The following ALDH1A1 variants were observed in gnomAD, a reference collection of about 807,000 sequenced individuals.
ALDH1A1 encodes aldehyde dehydrogenase 1 family member A1.
In ALDH1A1, 19 loss-of-function variants were observed where a neutral mutation model predicts 62.1. The ratio of observed to expected loss-of-function variants is 0.31; its 90% CI spans 0.21 to 0.45. ALDH1A1 has a LOEUF of 0.45. ALDH1A1 is among the 20% of genes least tolerant of loss of function. ALDH1A1 has a pLI of 1.00. For synonymous variants in ALDH1A1, 231 were observed against 215.9 expected (o/e 1.07, Z -0.61); for missense variants, 521 against 607.1 (o/e 0.86, Z 1.49).
chr9:72,913,198 C>T (rs1830013293), intron 9 of ALDH1A1, among the ~76,000 whole-genome samples: 1 of 152,168 alleles, frequency 6.6e-6, no homozygotes, highest in Admixed American at 6.6e-5. Context: ...TAACTGAATA[C>T]AGCTCAGCCC....
chr9:72,901,074 T>C lies in ALDH1A1; in HGVS notation c.*134A>G, dbSNP rs760516742. On this transcript the variant is annotated 3_prime_UTR_variant, in exon 13 of 13. Transcript: ENST00000297785. ...CATGTCAAGTTTTCTATGGGTAGTA[T>C]TAATACTAATATGATTTAGCTTATG... 6.8e-6 allele frequency: 4 copies of C among 590,462 alleles called. No individual in the cohort carries two copies. Among genetic ancestry groups the C allele is most frequent in the Non-Finnish European group, 1.2e-5 (4 of 341,240 alleles). 36.6% of individuals were successfully genotyped at this position (590,462 alleles called of 1,614,324 possible).
intron 1 of ALDH1A1, among the ~76,000 whole-genome samples, chr9:72,943,321 C>T (rs1264493937): frequency 6.6e-6 from 1 of 152,068 alleles, no homozygotes; most frequent in Non-Finnish European, 1.5e-5. Context: ...ATAATATGCT[C>T]TCAATATATT....
chr9:72,928,437 C>T (rs1830238364), intron 4 of ALDH1A1, among the ~76,000 whole-genome samples: 1 of 152,140 alleles, frequency 6.6e-6, no homozygotes, highest in African/African-American at 2.4e-5. Context: ...TCTGGTCTAA[C>T]TACACTGAGT....
Position 72,912,069 on chromosome 9 carries a change from T to A in ALDH1A1, c.1089A>T (p.Lys363Asn). 6.2e-7 allele frequency: 1 copy of A among 1,613,874 alleles called. No homozygotes were observed. Among genetic ancestry groups the A allele is most frequent in the Non-Finnish European group, 8.5e-7 (1 of 1,179,820 alleles). ...CTCCACATTCCAGTTTGGCCCCTTC[T>A]TTCTTCCCACTCTCAATGAGGTCAA... is the stretch of plus-strand genomic sequence containing the variant. ...KILDLIESGK[K>N]EGAKLECGGG... is the part of the protein sequence containing the mutation. The change falls in exon 10 of 13, where the codon AAA becomes AAT. Residue 363 changes from lysine (K) to asparagine (N), a missense_variant. Lys to Asn is a moderately conservative substitution (Grantham distance 94). Transcript: ENST00000297785.
At chr9:72,909,858 T>C (rs1354073864) in intron 10 of ALDH1A1, 99 bp from the exon 11 acceptor site, 5 of 1,060,666 alleles carry the variant, frequency 4.7e-6, no homozygotes, top group East Asian at 2.7e-5. Flanking sequence ...CCTAAATTGA[T>C]TAAGATTTTG....
At chr9:72,909,407 C>G (rs1829951498) in intron 11 of ALDH1A1, among the ~76,000 whole-genome samples, 195 bp downstream of exon 11, 1 of 152,170 alleles carries the variant, frequency 6.6e-6, no homozygotes, top group Non-Finnish European at 1.5e-5. Context: ...ATCCACCCAC[C>G]TCAGCCTCCC....
At chr9:72,915,818 C>G (rs992471599) in intron 9 of ALDH1A1, among the ~76,000 whole-genome samples, 5 of 152,172 alleles carry the variant, frequency 3.3e-5, no homozygotes, top group Admixed American at 2.6e-4. Flanking sequence ...TTGCCAGGTA[C>G]CCATCTCAAG....
rs1830412018 is a variant in ALDH1A1 at position 72,941,359 on chromosome 9, A to G, written c.67-1107T>C. Among the ~76,000 whole-genome samples, 5 of 152,306 alleles carry G rather than the reference A, an allele frequency of 3.3e-5. No individual in the cohort carries two copies. In the South Asian group the frequency reaches 1.0e-3, roughly 32 times the overall value. On this transcript the variant is annotated intron_variant, in intron 1 of 12. Coordinates refer to ENST00000297785, the MANE Select transcript of ALDH1A1 (RefSeq NM_000689.5). ...ATTTATTAAAAATTCCCCGGTGATCACTAGCATAGCTTAAAATTCTATCAG... is the reference window on the plus strand; with the variant it reads ...ATTTATTAAAAATTCCCCGGTGATCGCTAGCATAGCTTAAAATTCTATCAG...
chr9:72,940,735 G>C (rs1830405464), intron 1 of ALDH1A1, among the ~76,000 whole-genome samples: 1 of 152,168 alleles, frequency 6.6e-6, no homozygotes. Flanking sequence ...AGTTCACTTA[G>C]AGAAAATTAG....
At chr9:72,919,435 C>A (rs547943499) in intron 7 of ALDH1A1, among the ~76,000 whole-genome samples, 1 of 152,176 alleles carries the variant, frequency 6.6e-6, no homozygotes, top group East Asian at 1.9e-4. Flanking sequence ...GGGTCCAGCT[C>A]ATATCTTAGC....
chr9:72,901,214 G>A lies in ALDH1A1; in HGVS notation c.1500C>T (p.Asn500=). ...KTVTVKISQK[N]S ...CTCCACTCTTGTATTTTCTTTATGAGTTCTTCTGAGAGATTTTCACTGTGA... is the reference window on the plus strand; with the variant it reads ...CTCCACTCTTGTATTTTCTTTATGAATTCTTCTGAGAGATTTTCACTGTGA... The change falls in exon 13 of 13, where the codon AAC becomes AAT. Residue 500 remains asparagine, a synonymous_variant. Coordinates refer to ENST00000297785, the MANE Select transcript of ALDH1A1 (RefSeq NM_000689.5). 6.2e-7 allele frequency: 1 copy of A among 1,604,846 alleles called. No homozygotes were observed.
chr9:72,906,250 G>A (rs1316395237), intron 11 of ALDH1A1, among the ~76,000 whole-genome samples: 1 of 152,034 alleles, frequency 6.6e-6, no homozygotes, highest in Non-Finnish European at 1.5e-5. Context: ...CTATATATAT[G>A]GATAGCCATT....
chr9:72,906,055 T>A, intron 11 of ALDH1A1, 23 bp from the exon 12 acceptor site: 1 of 1,584,588 alleles, frequency 6.3e-7, no homozygotes, highest in Non-Finnish European at 8.6e-7. Context: ...AAAAGTGCAT[T>A]ATAGACAATA....
At chr9:72,943,311 A>G (rs1830438204) in intron 1 of ALDH1A1, among the ~76,000 whole-genome samples, 1 of 152,170 alleles carries the variant, frequency 6.6e-6, no homozygotes, top group African/African-American at 2.4e-5. Context: ...CAAGTTCTCA[A>G]TAATATGCTC....
At chr9:72,907,039 G>T (rs910168993) in intron 11 of ALDH1A1, among the ~76,000 whole-genome samples, 27 of 152,232 alleles carry the variant, frequency 1.8e-4, no homozygotes, top group African/African-American at 6.0e-4. Context: ...CAGATAAATT[G>T]TATTATACTT....
chr9:72,908,543 GA>G (rs11349565), intron 11 of ALDH1A1, among the ~76,000 whole-genome samples: 1,441 of 33,024 alleles, frequency 0.044, 25 homozygotes, highest in Middle Eastern at 0.1. Context: ...AAGAAAGAAA[GA>G]AAAGAAAGAA....
chr9:72,918,696 G>GT (rs754047089), intron 8 of ALDH1A1, 24 bp downstream of exon 8: 2 of 1,277,332 alleles, frequency 1.6e-6, no homozygotes, highest in African/African-American at 1.8e-5. Flanking sequence ...AGGACGAAAA[G>GT]TTAACAAAGT....
At chr9:72,936,497 G>A (rs1281749389) in intron 2 of ALDH1A1, among the ~76,000 whole-genome samples, 1 of 152,110 alleles carries the variant, frequency 6.6e-6, no homozygotes, top group Non-Finnish European at 1.5e-5. Flanking sequence ...CTCTGTCCTT[G>A]CCCTTTATTG....
Position 72,917,025 on chromosome 9 carries a change from A to G in ALDH1A1, c.930T>C (p.Phe310=). The G allele has an allele frequency of 6.2e-7, 1 of 1,613,934 alleles. No individual in the cohort carries two copies. Among genetic ancestry groups the G allele is most frequent in the Non-Finnish European group, 8.5e-7 (1 of 1,179,888 alleles). Residue 310 remains phenylalanine, a synonymous_variant, in exon 9 of 13, where the codon TTT becomes TTC. Coordinates refer to ENST00000297785, the MANE Select transcript of ALDH1A1 (RefSeq NM_000689.5). ...ACTCATCATAAATTGATTCTTCCAC[A>G]AAAATCCTGGATGCGGCTATACAAC... The part of the protein sequence containing the change: ...GQCCIAASRI[F]VEESIYDEFV...
Sources: gnomAD v4.1 joint callset for allele counts (sites outside exome capture counted in the v4.1 genomes callset) on GRCh38, gnomAD v4.1.1 for gene constraint, MANE v1.5 for transcripts, NCBI Gene and HGNC (gene_info 2026-07-23, HGNC 2026-07-21) for gene names.